The following TRAPPC9 variants were observed in gnomAD, a reference collection of about 807,000 sequenced individuals.
The protein encoded by TRAPPC9 is trafficking protein particle complex subunit 9.
Under a neutral mutation model 124.0 loss-of-function variants are expected in TRAPPC9, and 83 were observed. That is an observed-to-expected ratio of 0.67 (90% CI 0.56 to 0.80). TRAPPC9 has a LOEUF of 0.80. Among genes scored for constraint, TRAPPC9 ranks in the 30% least tolerant of loss-of-function variants. The pLI is 0.00. For synonymous variants in TRAPPC9, 638 were observed against 617.5 expected (o/e 1.03, Z -0.49); for missense variants, 1,302 against 1,508.3 (o/e 0.86, Z 2.27).
rs185943011 is a variant in TRAPPC9 at position 140,413,259 on chromosome 8, C to T, written c.887-7561G>A. On this transcript the variant is annotated intron_variant, in intron 5 of 22. Transcript: ENST00000438773. ...CAAAAATTAGTTGGGTGTGGTGGCA[C>T]ATGCCTGTAATCCCAGCTACTCAGG... is the stretch of plus-strand genomic sequence containing the variant. Among the ~76,000 whole-genome samples, 98 of 152,182 alleles carry T rather than the reference C, an allele frequency of 6.4e-4. No individual in the cohort carries two copies. In the East Asian group the frequency reaches 0.016, roughly 25 times the overall value.
intron 17 of TRAPPC9, among the ~76,000 whole-genome samples, chr8:140,132,295 A>T (rs2061222332): frequency 6.6e-6 from 1 of 152,216 alleles, no homozygotes; most frequent in Non-Finnish European, 1.5e-5. Flanking sequence ...TATACTCAGA[A>T]GAGGAAAAGG....
chr8:140,423,738 A>G (rs1247874522), intron 5 of TRAPPC9, among the ~76,000 whole-genome samples: 1 of 151,604 alleles, frequency 6.6e-6, no homozygotes, highest in Non-Finnish European at 1.5e-5. Context: ...ATATACATAT[A>G]CACACATATA....
chr8:140,224,651 A>C (rs991958674), intron 16 of TRAPPC9, among the ~76,000 whole-genome samples: 2 of 152,160 alleles, frequency 1.3e-5, no homozygotes, highest in African/African-American at 4.8e-5. Flanking sequence ...TTCTACCAGA[A>C]TTTATTCCTT....
intron 16 of TRAPPC9, among the ~76,000 whole-genome samples, chr8:140,244,186 G>A (rs1465059114): frequency 6.6e-6 from 1 of 152,224 alleles, no homozygotes; most frequent in South Asian, 2.1e-4. Flanking sequence ...AGGGAAGGAA[G>A]GAGTGGATAA....
chr8:140,311,119 A>G, intron 10 of TRAPPC9, 129 bp downstream of exon 10: 1 of 1,107,194 alleles, frequency 9.0e-7, no homozygotes, highest in South Asian at 1.4e-5. Flanking sequence ...TTCAAGTTTA[A>G]TGAGATAATG....
intron 17 of TRAPPC9, among the ~76,000 whole-genome samples, chr8:140,042,997 C>T (rs1163731070): frequency 6.6e-6 from 1 of 152,178 alleles, no homozygotes; most frequent in African/African-American, 2.4e-5. Context: ...CCCTACCAAA[C>T]TGTTTTTCAG....
chr8:140,164,022 T>C (rs1037951293), intron 17 of TRAPPC9, among the ~76,000 whole-genome samples: 3 of 152,240 alleles, frequency 2.0e-5, no homozygotes, highest in African/African-American at 7.2e-5. Context: ...GAGTAAAATC[T>C]CTATGCTGTG....
chr8:140,066,132 G>A (rs1842884743), intron 17 of TRAPPC9, among the ~76,000 whole-genome samples: 1 of 152,260 alleles, frequency 6.6e-6, no homozygotes, highest in Non-Finnish European at 1.5e-5. Context: ...ATGACTTTCA[G>A]GGGCTCAAGA....
At chr8:140,350,738 C>T (rs144995297) in intron 9 of TRAPPC9, among the ~76,000 whole-genome samples, 134 of 151,896 alleles carry the variant, frequency 8.8e-4, no homozygotes, top group Admixed American at 3.1e-3. Flanking sequence ...AGTCTTGGCA[C>T]GTAAGCATTA....
chr8:140,327,247 A>C (rs1284896153), intron 9 of TRAPPC9, among the ~76,000 whole-genome samples: 1 of 152,116 alleles, frequency 6.6e-6, no homozygotes, highest in Non-Finnish European at 1.5e-5. Context: ...GACATCTAAA[A>C]AAAAAGACAA....
chr8:139,851,266 C>T (rs763103670), intron 21 of TRAPPC9, among the ~76,000 whole-genome samples: 1 of 152,186 alleles, frequency 6.6e-6, no homozygotes, highest in Non-Finnish European at 1.5e-5. Flanking sequence ...TTGAACTTGA[C>T]CGGATTCAAA....
intron 19 of TRAPPC9, among the ~76,000 whole-genome samples, chr8:139,926,220 G>A (rs1173158115): frequency 6.6e-6 from 1 of 152,174 alleles, no homozygotes; most frequent in Admixed American, 6.5e-5. Flanking sequence ...GCTGAGATGT[G>A]ACCTCCCATC....
Position 140,286,679 on chromosome 8 carries a change from G to A in TRAPPC9, c.1981+929C>T, listed in dbSNP as rs144433829. Among the ~76,000 whole-genome samples, 449 of 152,240 alleles carry A rather than the reference G, an allele frequency of 2.9e-3. 2 individuals carry two copies. Among genetic ancestry groups the A allele is most frequent in the African/African-American group, 0.01 (424 of 41,542 alleles). ...TGAGATGGAGGCTTGACGGGGGCAG[G>A]GGCAGTTTTGGGGAGGCGAGGTAGG... On this transcript the variant is annotated intron_variant, in intron 13 of 22. Coordinates refer to ENST00000438773, the MANE Select transcript of TRAPPC9 (RefSeq NM_001160372.4).
chr8:140,044,389 C>T (rs543800153), intron 17 of TRAPPC9, among the ~76,000 whole-genome samples: 7 of 152,190 alleles, frequency 4.6e-5, no homozygotes, highest in African/African-American at 9.7e-5. Context: ...ACTCATGGGC[C>T]GGTAAAGAAA....
intron 17 of TRAPPC9, chr8:140,094,907 G>A (rs558688525): frequency 3.6e-4 from 55 of 152,322 alleles, no homozygotes; most frequent in African/African-American, 1.2e-3. Flanking sequence ...ATCGCACCTA[G>A]TACATTTATT....
At chr8:139,758,537 A>G (rs1468962338) in intron 21 of TRAPPC9, among the ~76,000 whole-genome samples, 1 of 151,942 alleles carries the variant, frequency 6.6e-6, no homozygotes, top group Non-Finnish European at 1.5e-5. Flanking sequence ...GGGGCAGGGG[A>G]TGGGGATGCA....
chr8:139,871,816 T>G (rs1004923105), intron 21 of TRAPPC9, among the ~76,000 whole-genome samples: 1 of 152,120 alleles, frequency 6.6e-6, no homozygotes, highest in Non-Finnish European at 1.5e-5. Flanking sequence ...GGTGGGTGGA[T>G]GGACTGATGA....
intron 15 of TRAPPC9, among the ~76,000 whole-genome samples, chr8:140,264,238 AG>A (rs2064536160): frequency 6.6e-6 from 1 of 152,126 alleles, no homozygotes; most frequent in East Asian, 1.9e-4. Flanking sequence ...CACGAGTAAC[AG>A]GTTTCCCTTT....
intron 15 of TRAPPC9, among the ~76,000 whole-genome samples, chr8:140,272,137 G>GGTGGCA (rs1554657985): frequency 1.3e-5 from 2 of 151,058 alleles, no homozygotes; most frequent in South Asian, 4.3e-4. Context: ...TGGCGATGGT[G>GGTGGCA]ATGGTGATGG....
Sources: allele counts gnomAD v4.1 joint callset (sites outside exome capture counted in the v4.1 genomes callset), GRCh38; gene constraint gnomAD v4.1.1; transcripts MANE v1.5; gene names NCBI Gene and HGNC (gene_info 2026-07-23, HGNC 2026-07-21).